RSPO2: variants seen among roughly 807,000 people sequenced by gnomAD.
RSPO2 encodes the protein R-spondin-2.
In RSPO2, 14 loss-of-function variants were observed where a neutral mutation model predicts 30.9. The ratio of observed to expected loss-of-function variants is 0.45; its 90% CI spans 0.30 to 0.71. The LOEUF (loss-of-function observed/expected upper bound fraction) is 0.71, where lower values mean the gene tolerates loss of function less well. RSPO2 is among the 30% of genes least tolerant of loss of function. The pLI, the probability that RSPO2 is intolerant of heterozygous loss-of-function variation, is 0.08. For missense variants in RSPO2, 264 were observed against 301.9 expected (o/e 0.87, Z 0.93); for synonymous variants, 107 against 96.4 (o/e 1.11, Z -0.64).
chr8:108,063,016 T>C (rs1812526050), intron 2 of RSPO2, among the ~76,000 whole-genome samples: 2 of 151,890 alleles, frequency 1.3e-5, no homozygotes, highest in South Asian at 2.1e-4. Flanking sequence ...AAATTAGGTA[T>C]TGATAGGAAG....
chr8:107,967,766 AGCAAGGG>A (rs1813856739), intron 3 of RSPO2, among the ~76,000 whole-genome samples: 1 of 152,156 alleles, frequency 6.6e-6, no homozygotes, highest in Non-Finnish European at 1.5e-5. Flanking sequence ...TTAGAATAAG[AGCAAGGG>A]GCAGGAAATA....
chr8:108,078,010 G>A (rs1468780239), intron 2 of RSPO2, among the ~76,000 whole-genome samples: 1 of 152,160 alleles, frequency 6.6e-6, no homozygotes, highest in Non-Finnish European at 1.5e-5. Context: ...CAGTTGGAAG[G>A]AAAGAAGTAC....
At chr8:107,954,673 C>T (rs1813362689) in intron 5 of RSPO2, among the ~76,000 whole-genome samples, 1 of 151,958 alleles carries the variant, frequency 6.6e-6, no homozygotes, top group Non-Finnish European at 1.5e-5. Flanking sequence ...TGCAGTGGCA[C>T]GATCTTGGCT....
intron 2 of RSPO2, among the ~76,000 whole-genome samples, chr8:108,033,790 G>A (rs761478806): frequency 6.6e-6 from 1 of 152,136 alleles, no homozygotes; most frequent in Non-Finnish European, 1.5e-5. Context: ...GCTTGGTGCT[G>A]GTGGCCATGT....
chr8:107,947,833 C>G (rs1256739763), intron 5 of RSPO2, among the ~76,000 whole-genome samples: 1 of 152,224 alleles, frequency 6.6e-6, no homozygotes, highest in Non-Finnish European at 1.5e-5. Context: ...CAGGCTGCAA[C>G]TTATATTTTT....
intron 5 of RSPO2, among the ~76,000 whole-genome samples, chr8:107,950,492 G>GT (rs5893892): frequency 0.65 from 95,134 of 147,344 alleles, 32,981 homozygotes; most frequent in East Asian, 0.92. Flanking sequence ...ATTTTGGGGT[G>GT]TTTTTTTTTT....
At chr8:108,012,197 A>C (rs527641138) in intron 2 of RSPO2, among the ~76,000 whole-genome samples, 3 of 152,184 alleles carry the variant, frequency 2.0e-5, no homozygotes, top group Admixed American at 2.0e-4. Context: ...CTGGTTTTTT[A>C]AACTACAGCA....
At position 107,900,671 on chromosome 8, in the gene RSPO2, C is replaced by T. The variant is rs1249737865; in HGVS notation, c.*404G>A. On this transcript the variant is annotated 3_prime_UTR_variant, in exon 6 of 6. Coordinates refer to ENST00000276659, the MANE Select transcript of RSPO2 (RefSeq NM_178565.5). ...AACACTAAGCAGATATCCACACAAA[C>T]ATATCCTTGAAAATGCACAATGTGA... is the stretch of plus-strand genomic sequence containing the variant. 6.2e-6 allele frequency: 1 copy of T among 160,844 alleles called. No individual in the cohort carries two copies. The highest frequency in any genetic ancestry group is 1.8e-4 in the East Asian group (1 of 5,564). The allele number at this position is 160,844 out of a possible 1,614,324, so 10.0% of individuals were successfully genotyped here. A position where few individuals can be genotyped will look rare whatever the true frequency, so the allele number is the denominator to read the frequency against.
chr8:108,019,143 T>G (rs1810982836), intron 2 of RSPO2, among the ~76,000 whole-genome samples: 1 of 152,192 alleles, frequency 6.6e-6, no homozygotes, highest in Admixed American at 6.5e-5. Flanking sequence ...TGATTCTTAT[T>G]TTTTTAAAAA....
intron 3 of RSPO2, among the ~76,000 whole-genome samples, chr8:107,987,225 A>G (rs2130519391): frequency 6.6e-6 from 1 of 152,218 alleles, no homozygotes; most frequent in South Asian, 2.1e-4. Flanking sequence ...TTACCCACAA[A>G]AAAAATCATC....
chr8:107,910,780 G>T (rs1030151224), intron 5 of RSPO2, among the ~76,000 whole-genome samples: 5 of 152,110 alleles, frequency 3.3e-5, no homozygotes, highest in African/African-American at 1.2e-4. Context: ...AAAACAGGTT[G>T]GGCATGGGGG....
intron 3 of RSPO2, among the ~76,000 whole-genome samples, chr8:107,971,282 C>T (rs963533043): frequency 1.3e-4 from 20 of 152,038 alleles, no homozygotes; most frequent in Admixed American, 1.0e-3. Flanking sequence ...CGGAAAGTCA[C>T]GACTTTTATT....
intron 3 of RSPO2, chr8:107,983,433 A>G (rs1414233202): frequency 6.3e-7 from 1 of 1,599,414 alleles, no homozygotes; most frequent in Non-Finnish European, 8.6e-7. Context: ...AACCCTCTGT[A>G]GAGGATGCAG....
At chr8:108,003,309 ATATTTTTT>A (rs1815338295) in intron 2 of RSPO2, among the ~76,000 whole-genome samples, 1 of 16,928 alleles carries the variant, frequency 5.9e-5, no homozygotes, top group Non-Finnish European at 1.1e-4. Flanking sequence ...ATATATATAT[ATATTTTTT>A]TTTTTTTTTT....
chr8:107,937,154 GTTT>G (rs34187034), intron 5 of RSPO2, among the ~76,000 whole-genome samples: 1 of 139,992 alleles, frequency 7.1e-6, no homozygotes, highest in Admixed American at 7.1e-5. Flanking sequence ...ATCTTCAGTT[GTTT>G]TTTTTTTTTT....
In RSPO2 at chr8:107,901,073, T is replaced by G. The variant is rs1811443527; in HGVS notation, c.*2A>C. 1 of 1,610,444 alleles carries G rather than the reference T, an allele frequency of 6.2e-7. No individual in the cohort carries two copies. The highest frequency in any genetic ancestry group is 8.5e-7 in the Non-Finnish European group (1 of 1,179,232). On this transcript the variant is annotated 3_prime_UTR_variant, in exon 6 of 6. Transcript: ENST00000276659. ...CCCTAAAAATCTACCGGATCTCTTG[T>G]TTTATTGGTTAGCTCTGTCTGTAGC...
intron 2 of RSPO2, among the ~76,000 whole-genome samples, chr8:108,005,823 A>G (rs1815434519): frequency 6.6e-6 from 1 of 152,206 alleles, no homozygotes; most frequent in African/African-American, 2.4e-5. Context: ...AAGATTTCCA[A>G]GTCCAAGGTA....
rs1158899940 is a variant in RSPO2, at chr8:107,989,229, T to C, written c.110A>G (p.Asn37Ser). Residue 37 changes from asparagine to serine, a missense_variant, in exon 3 of 6, where the codon AAT becomes AGT. Physicochemically the swap from Asn to Ser is conservative, Grantham distance 46. Transcript: ENST00000276659. The stretch of plus-strand genomic sequence containing the variant: ...AGACAAACAACCCTTGCAAATGGGA[T>C]TTGATACATAACTAGCTGTAAAAGA... ...RRSKRASYVS[N>S]PICKGCLSCS... The C allele has an allele frequency of 2.5e-6, 4 of 1,570,920 alleles. No individual in the cohort carries two copies. Among genetic ancestry groups the C allele is most frequent in the Non-Finnish European group, 3.4e-6 (4 of 1,165,142 alleles).
chr8:107,940,308 T>C (rs547969133), intron 5 of RSPO2, among the ~76,000 whole-genome samples: 6 of 65,744 alleles, frequency 9.1e-5, no homozygotes, highest in Non-Finnish European at 2.0e-4. Context: ...GTTAAGTATG[T>C]GTGTTTTATT....
Sources: gnomAD v4.1 joint callset for allele counts (sites outside exome capture counted in the v4.1 genomes callset) on GRCh38, gnomAD v4.1.1 for gene constraint, MANE v1.5 for transcripts, NCBI Gene and HGNC (gene_info 2026-07-23, HGNC 2026-07-21) for gene names.